The following HFM1 variants were observed in gnomAD, a reference collection of about 807,000 sequenced individuals.
HFM1 encodes helicase for meiosis 1, also known as probable ATP-dependent DNA helicase HFM1.
HFM1 carries 169 observed loss-of-function variants against 192.1 expected under a neutral mutation model. The ratio of observed to expected loss-of-function variants is 0.88; its 90% CI spans 0.78 to 1.00. The LOEUF is 1.00. HFM1 is among the 50% of genes least tolerant of loss of function. The pLI, the probability that HFM1 is intolerant of heterozygous loss-of-function variation, is 0.00. For synonymous variants in HFM1, 525 were observed against 537.8 expected (o/e 0.98, Z 0.33); for missense variants, 1,661 against 1,668.0 (o/e 1.00, Z 0.07).
intron 6 of HFM1, among the ~76,000 whole-genome samples, chr1:91,383,453 T>G (rs1329939219): frequency 2.6e-5 from 4 of 152,176 alleles, no homozygotes; most frequent in Non-Finnish European, 2.9e-5. Context: ...AGTTACTATA[T>G]CAACATGTAT....
At chr1:91,317,205 G>A (rs186705672) in intron 25 of HFM1, among the ~76,000 whole-genome samples, 48 of 152,032 alleles carry the variant, frequency 3.2e-4, no homozygotes, top group African/African-American at 8.4e-4. Context: ...ACCTGAGGTC[G>A]GGAGTTCGAG....
chr1:91,286,776 C>G (rs936855859), intron 30 of HFM1, among the ~76,000 whole-genome samples: 3 of 152,184 alleles, frequency 2.0e-5, no homozygotes, highest in African/African-American at 7.2e-5. Flanking sequence ...GAGTGCCAGA[C>G]AGTGGGCACA....
intron 1 of HFM1, among the ~76,000 whole-genome samples, chr1:91,404,234 A>T (rs1037156492): frequency 6.6e-6 from 1 of 152,160 alleles, no homozygotes; most frequent in African/African-American, 2.4e-5. Flanking sequence ...CCGGCTGGGG[A>T]CCGAATCAGC....
intron 28 of HFM1, among the ~76,000 whole-genome samples, chr1:91,315,072 G>A (rs191854585): frequency 1.3e-5 from 2 of 152,156 alleles, no homozygotes; most frequent in Non-Finnish European, 2.9e-5. Context: ...TTCAAATCTA[G>A]ACTTTGCTAT....
intron 30 of HFM1, among the ~76,000 whole-genome samples, chr1:91,293,718 T>C (rs1669057111): frequency 6.6e-6 from 1 of 151,690 alleles, no homozygotes; most frequent in African/African-American, 2.4e-5. Context: ...CAAAGGACTA[T>C]AAATCATGCT....
intron 4 of HFM1, among the ~76,000 whole-genome samples, chr1:91,391,005 C>T (rs931412764): frequency 6.6e-6 from 1 of 152,110 alleles, no homozygotes; most frequent in African/African-American, 2.4e-5. Flanking sequence ...TTCACAATTG[C>T]TACAAAGAGA....
intron 32 of HFM1, among the ~76,000 whole-genome samples, chr1:91,275,249 C>T (rs187446426): frequency 2.0e-5 from 3 of 152,286 alleles, no homozygotes; most frequent in African/African-American, 7.2e-5. Flanking sequence ...TCCCAAAGTG[C>T]TGGGATTACA....
chr1:91,300,995 G>T (rs1205204623), intron 30 of HFM1, among the ~76,000 whole-genome samples: 3 of 152,240 alleles, frequency 2.0e-5, no homozygotes, highest in African/African-American at 7.2e-5. Flanking sequence ...AAGTCAAATT[G>T]TCCCTGTTTG....
intron 6 of HFM1, among the ~76,000 whole-genome samples, chr1:91,384,341 T>C (rs536628169): frequency 6.6e-6 from 1 of 152,222 alleles, no homozygotes; most frequent in African/African-American, 2.4e-5. Context: ...ATAAGTGCAC[T>C]ATCATAGGCA....
At chr1:91,323,068 T>C (rs1652372899) in intron 22 of HFM1, 25 bp downstream of exon 22, 1 of 1,406,578 alleles carries the variant, frequency 7.1e-7, no homozygotes, top group Non-Finnish European at 9.8e-7. Flanking sequence ...CTTAAAATTA[T>C]TTAAAACATA....
chr1:91,333,199 C>G (rs1654078793), intron 20 of HFM1, among the ~76,000 whole-genome samples: 1 of 152,170 alleles, frequency 6.6e-6, no homozygotes, highest in Non-Finnish European at 1.5e-5. Context: ...TTGGAAGCAA[C>G]TTAGTGTCCA....
intron 30 of HFM1, among the ~76,000 whole-genome samples, chr1:91,289,619 G>C (rs1211162539): frequency 6.6e-6 from 1 of 152,148 alleles, no homozygotes; most frequent in African/African-American, 2.4e-5. Context: ...TGGCACCTTG[G>C]GAGGCTGAGG....
intron 4 of HFM1, among the ~76,000 whole-genome samples, chr1:91,393,083 T>A (rs1215396519): frequency 2.0e-5 from 3 of 152,214 alleles, no homozygotes; most frequent in Non-Finnish European, 4.4e-5. Flanking sequence ...AAAATAATTC[T>A]ACACTTTAAA....
chr1:91,296,756 A>G (rs1284179827), intron 30 of HFM1, among the ~76,000 whole-genome samples: 1 of 152,162 alleles, frequency 6.6e-6, no homozygotes, highest in Non-Finnish European at 1.5e-5. Flanking sequence ...TTCTATTACA[A>G]GGTTGATATT....
intron 13 of HFM1, among the ~76,000 whole-genome samples, chr1:91,364,503 T>C (rs1658955367): frequency 1.3e-5 from 2 of 150,942 alleles, no homozygotes. Context: ...TCCTTGCAGA[T>C]TGTTCATAGT....
At chr1:91,388,661 C>G (rs1267643807) in intron 4 of HFM1, among the ~76,000 whole-genome samples, 2 of 152,184 alleles carry the variant, frequency 1.3e-5, no homozygotes, top group African/African-American at 2.4e-5. Flanking sequence ...TAGAAGAAAA[C>G]TTAAGAGTAA....
intron 32 of HFM1, among the ~76,000 whole-genome samples, chr1:91,276,153 G>A (rs1287896160): frequency 3.3e-5 from 5 of 151,988 alleles, no homozygotes; most frequent in African/African-American, 1.2e-4. Context: ...CGATCATTCT[G>A]GTGCCTGCCC....
chr1:91,304,589 C>A (rs1286988750), intron 30 of HFM1, among the ~76,000 whole-genome samples: 2 of 151,980 alleles, frequency 1.3e-5, no homozygotes, highest in African/African-American at 4.8e-5. Flanking sequence ...GCCTCACCCT[C>A]CTGAGTAGCT....
At chr1:91,335,011 A>T in intron 20 of HFM1, among the ~76,000 whole-genome samples, 1 of 152,168 alleles carries the variant, frequency 6.6e-6, no homozygotes, top group East Asian at 1.9e-4. Context: ...AACACATAGA[A>T]AACAGCTGGG....
Sources: allele counts gnomAD v4.1 joint callset (sites outside exome capture counted in the v4.1 genomes callset), GRCh38; gene constraint gnomAD v4.1.1; transcripts MANE v1.5; gene names NCBI Gene and HGNC (gene_info 2026-07-23, HGNC 2026-07-21).